Variants in GPN1 observed in about 807,000 individuals in gnomAD.
GPN1 encodes the protein GPN-loop GTPase 1.
GPN1 carries 44 observed loss-of-function variants against 55.9 expected under a neutral mutation model. The observed-to-expected ratio is 0.79, with a 90% confidence interval of 0.62 to 1.01. GPN1 has a LOEUF of 1.01. Among genes scored for constraint, GPN1 ranks in the 50% least tolerant of loss-of-function variants. GPN1 has a pLI of 0.00. For synonymous variants in GPN1, 179 were observed against 162.5 expected, an observed-to-expected ratio of 1.10 and a Z score of -0.77; for missense variants, 466 against 462.8, an observed-to-expected ratio of 1.01 and a Z score of -0.06.
intron 6 of GPN1, 43 bp from the exon 7 acceptor site, chr2:27,635,097 C>T (rs377432599): frequency 1.3e-5 from 15 of 1,188,936 alleles, no homozygotes; most frequent in Non-Finnish European, 1.8e-5. Context: ...GAGGACAGAT[C>T]GTGAGCCCTC....
chr2:27,628,840 G>C (rs1673400248), upstream of GPN1: 1 of 1,471,426 alleles, frequency 6.8e-7, no homozygotes, highest in African/African-American at 1.4e-5. Context: ...GCTCCCTTCA[G>C]CCTTCCTCTC....
chr2:27,635,300 C>CATTTT, intron 7 of GPN1, 66 bp downstream of exon 7: 1 of 520,134 alleles, frequency 1.9e-6, no homozygotes, highest in Non-Finnish European at 3.2e-6. Flanking sequence ...TCTTCTTCCT[C>CATTTT]TTTTTTTTTT....
chr2:27,637,636 A>T (rs746996131), intron 7 of GPN1, among the ~76,000 whole-genome samples: 54 of 152,242 alleles, frequency 3.5e-4, no homozygotes, highest in Non-Finnish European at 7.1e-4. Context: ...TGTAAAGAAT[A>T]AAGGAGATAA....
chr2:27,642,448 A>G lies in GPN1; in HGVS notation c.860A>G (p.Gln287Arg). 1 of 1,612,944 alleles carries G rather than the reference A, an allele frequency of 6.2e-7. No homozygotes were observed. The highest frequency in any genetic ancestry group is 8.5e-7 in the Non-Finnish European group (1 of 1,178,878). Reference protein sequence around the residue: ...KKSLANAESQQQREQLERLRK... With the variant: ...KKSLANAESQRQREQLERLRK... ...ATACAGGCCAACGCAGAGAGCCAAC[A>G]GCAGAGAGAACAACTGGAACGCCTT... Residue 287 changes from glutamine to arginine, a missense_variant, in exon 12 of 14, where the codon CAG becomes CGG. Gln to Arg is a conservative substitution (Grantham distance 43). Coordinates refer to ENST00000610189, the MANE Select transcript of GPN1 (RefSeq NM_007266.4).
chr2:27,629,235 G>C (rs1440223431), intron 1 of GPN1, 66 bp downstream of exon 1: 1 of 1,479,666 alleles, frequency 6.8e-7, no homozygotes, highest in Non-Finnish European at 9.2e-7. Context: ...CGGAAGGCCA[G>C]GAAGAAAGGG....
At chr2:27,648,140 T>G (rs888391466) in intron 13 of GPN1, among the ~76,000 whole-genome samples, 197 bp downstream of exon 13, 1 of 152,206 alleles carries the variant, frequency 6.6e-6, no homozygotes, top group African/African-American at 2.4e-5. Context: ...AGGCCTTTCG[T>G]TGGTCTTGTG....
intron 2 of GPN1, among the ~76,000 whole-genome samples, chr2:27,630,356 T>A (rs1673490967): frequency 6.6e-6 from 1 of 151,854 alleles, no homozygotes; most frequent in Non-Finnish European, 1.5e-5. Flanking sequence ...TCATTTCCTT[T>A]GGATTTGCTT....
In GPN1 at chr2:27,642,377, C is replaced by T. The variant is rs114327090; in HGVS notation, c.841-52C>T. ...TCATCTCCACTGAGAAGTCTGGCAT[C>T]TAATTTGGGACTCCTTTTTGAATAT... On this transcript the variant is annotated intron_variant, in intron 11 of 13. Transcript: ENST00000610189. 1.2e-3 allele frequency: 1,252 copies of T among 1,081,380 alleles called. 11 individuals carry two copies. The African/African-American group carries it at 0.018, about 15-fold the overall frequency. 67.0% of individuals were successfully genotyped at this position (1,081,380 alleles called of 1,614,324 possible).
chr2:27,642,421 A>G lies in GPN1; in HGVS notation c.841-8A>G. 6.3e-7 allele frequency: 1 copy of G among 1,585,280 alleles called. No individual in the cohort carries two copies. Among genetic ancestry groups the G allele is most frequent in the Non-Finnish European group, 8.7e-7 (1 of 1,154,188 alleles). ...TGAATATGATGACATTTTTCTCTGT[A>G]TATACAGGCCAACGCAGAGAGCCAA... On this transcript the variant is annotated splice_region_variant and splice_polypyrimidine_tract_variant and intron_variant, in intron 11 of 13. Coordinates refer to ENST00000610189, the MANE Select transcript of GPN1 (RefSeq NM_007266.4).
intron 9 of GPN1, 142 bp downstream of exon 9, chr2:27,639,173 G>A: frequency 9.1e-6 from 6 of 658,788 alleles, no homozygotes; most frequent in African/African-American, 1.8e-5. Context: ...AAAAATTGTG[G>A]AGTGTACAAG....
intron 11 of GPN1, 179 bp from the exon 12 acceptor site, chr2:27,642,250 C>T: frequency 1.8e-6 from 1 of 561,116 alleles, no homozygotes; most frequent in South Asian, 2.2e-5. Context: ...GTCTAAACTT[C>T]TGCAGTAACC....
At chr2:27,636,558 A>C (rs893276107) in intron 7 of GPN1, among the ~76,000 whole-genome samples, 4 of 152,088 alleles carry the variant, frequency 2.6e-5, no homozygotes, top group Non-Finnish European at 5.9e-5. Context: ...ACAGTGGCAC[A>C]ATCTCACCGT....
At chr2:27,647,159 T>C (rs1674275382) in intron 12 of GPN1, among the ~76,000 whole-genome samples, 1 of 152,182 alleles carries the variant, frequency 6.6e-6, no homozygotes, top group Non-Finnish European at 1.5e-5. Flanking sequence ...TGTTGCTGTC[T>C]CTGGCCACCC....
chr2:27,637,082 C>G (rs938963637), intron 7 of GPN1, among the ~76,000 whole-genome samples: 1 of 151,978 alleles, frequency 6.6e-6, no homozygotes, highest in Admixed American at 6.6e-5. Context: ...ATGGTGAAAC[C>G]CCATCTCTAC....
chr2:27,629,565 T>C (rs1240492674), intron 1 of GPN1: 4 of 697,750 alleles, frequency 5.7e-6, no homozygotes, highest in Non-Finnish European at 1.0e-5. Context: ...GAAAATGAGG[T>C]TGACAAGATT....
chr2:27,638,200 T>C lies in GPN1; in HGVS notation c.525-10T>C. On this transcript the variant is annotated splice_polypyrimidine_tract_variant and intron_variant, in intron 7 of 13. Coordinates refer to ENST00000610189, the MANE Select transcript of GPN1 (RefSeq NM_007266.4). ...CTTTTACTAATAACTTCTCAATGTT[T>C]GGTTTTCAGCATCTTATACAAAACC... is the stretch of plus-strand genomic sequence containing the variant. 6.7e-7 allele frequency: 1 copy of C among 1,494,022 alleles called. No homozygotes were observed. The highest frequency in any genetic ancestry group is 9.3e-7 in the Non-Finnish European group (1 of 1,070,644). The allele number at this position is 1,494,022 out of a possible 1,614,324, so 92.5% of individuals were successfully genotyped here. A position where few individuals can be genotyped will look rare whatever the true frequency, so the allele number is the denominator to read the frequency against.
chr2:27,636,980 C>G (rs1673758904), intron 7 of GPN1, among the ~76,000 whole-genome samples: 1 of 152,152 alleles, frequency 6.6e-6, no homozygotes, highest in Admixed American at 6.5e-5. Context: ...ACACCCCCAG[C>G]TGGTAATCAT....
chr2:27,641,403 T>C, intron 11 of GPN1, 124 bp downstream of exon 11: 1 of 619,248 alleles, frequency 1.6e-6, no homozygotes, highest in East Asian at 2.9e-5. Flanking sequence ...AAAAGTTTTT[T>C]TTGTAGCTTT....
chr2:27,632,618 A>G lies in GPN1; in HGVS notation c.313-15A>G, dbSNP rs759549023. On this transcript the variant is annotated splice_polypyrimidine_tract_variant and intron_variant, in intron 4 of 13. Coordinates refer to ENST00000610189, the MANE Select transcript of GPN1 (RefSeq NM_007266.4). ...GAAATCGGAATTTGTTGTCATTGAC[A>G]TCTTTTTCTTTTAGGTGATGAAATT... The G allele has an allele frequency of 1.3e-6, 2 of 1,588,148 alleles. No individual in the cohort carries two copies. The highest frequency in any genetic ancestry group is 2.2e-5 in the East Asian group (1 of 44,758).
Sources: allele counts gnomAD v4.1 joint callset (sites outside exome capture counted in the v4.1 genomes callset), GRCh38; gene constraint gnomAD v4.1.1; transcripts MANE v1.5; gene names NCBI Gene and HGNC (gene_info 2026-07-23, HGNC 2026-07-21).